LMNTD1: variants seen among roughly 807,000 people sequenced by gnomAD.
LMNTD1 encodes lamin tail domain containing 1.
Under a neutral mutation model 50.9 loss-of-function variants are expected in LMNTD1, and 35 were observed. That is an observed-to-expected ratio of 0.69 (90% confidence interval 0.53 to 0.91). The LOEUF is 0.91. LMNTD1 is among the 40% of genes least tolerant of loss of function. The probability of loss-of-function intolerance (pLI) is 0.00; values close to 1 mark genes in which losing one functional copy is unlikely to be tolerated. For synonymous variants in LMNTD1, 153 were observed against 161.9 expected (o/e 0.94, Z 0.42); for missense variants, 470 against 475.5 (o/e 0.99, Z 0.11).
chr12:25,489,423 G>C (rs112804475), intron 9 of LMNTD1, among the ~76,000 whole-genome samples: 2 of 149,092 alleles, frequency 1.3e-5, no homozygotes, highest in African/African-American at 2.5e-5. Flanking sequence ...TATTTGACTC[G>C]GAAAGGGAAC....
At chr12:25,488,073 C>T (rs1457706975) in intron 9 of LMNTD1, among the ~76,000 whole-genome samples, 1 of 147,288 alleles carries the variant, frequency 6.8e-6, no homozygotes, top group South Asian at 2.2e-4. Flanking sequence ...ACATTTTTTC[C>T]TTCATTTCAA....
At chr12:25,529,209 G>A (rs549659403) in intron 4 of LMNTD1, among the ~76,000 whole-genome samples, 4 of 151,998 alleles carry the variant, frequency 2.6e-5, no homozygotes, top group African/African-American at 7.2e-5. Flanking sequence ...GCCCCTTCAC[G>A]CATCTCCCAG....
In LMNTD1 at chr12:25,546,544, G is replaced by A. The variant is rs1193091004; in HGVS notation, c.321C>T (p.Pro107=). ...CATCCTGTTTCTTCGGAACTGAGAA[G>A]GGGCTGGCATCTTTCAAGTAGACAG... ...SRVENSLDAS[P]FSVPKKQDES... is the part of the protein sequence containing the mutation. Residue 107 remains proline, a synonymous_variant, in exon 4 of 10, where the codon CCC becomes CCT. Transcript: ENST00000458174. 6.5e-7 allele frequency: 1 copy of A among 1,547,768 alleles called. No individual in the cohort carries two copies. Among genetic ancestry groups the A allele is most frequent in the South Asian group, 1.2e-5 (1 of 80,048 alleles).
chr12:25,603,515 T>C (rs941084874), intron 1 of LMNTD1, among the ~76,000 whole-genome samples: 9 of 152,052 alleles, frequency 5.9e-5, no homozygotes, highest in Non-Finnish European at 1.2e-4. Context: ...AAATAAGTTC[T>C]AGAACCAGAT....
At chr12:25,632,596 T>G (rs1341426320) in intron 1 of LMNTD1, among the ~76,000 whole-genome samples, 1 of 152,186 alleles carries the variant, frequency 6.6e-6, no homozygotes, top group African/African-American at 2.4e-5. Context: ...AAACAAATGC[T>G]GAGAGAATTC....
intron 1 of LMNTD1, among the ~76,000 whole-genome samples, chr12:25,636,891 GA>G (rs772020943): frequency 1.3e-4 from 19 of 151,718 alleles, no homozygotes; most frequent in Non-Finnish European, 2.2e-4. Flanking sequence ...CTCAGGAATA[GA>G]AAACCAAAAG....
chr12:25,546,290 A>G, intron 4 of LMNTD1, 84 bp downstream of exon 4: 1 of 735,272 alleles, frequency 1.4e-6, no homozygotes, highest in South Asian at 3.4e-5. Flanking sequence ...AATGCATATA[A>G]CTACAGATTA....
intron 1 of LMNTD1, among the ~76,000 whole-genome samples, chr12:25,597,902 C>T (rs1945876734): frequency 6.6e-6 from 1 of 152,126 alleles, no homozygotes; most frequent in African/African-American, 2.4e-5. Context: ...ACCCAAGTCT[C>T]ACCTTGAATT....
At chr12:25,573,928 C>G (rs1211233484) in intron 1 of LMNTD1, among the ~76,000 whole-genome samples, 1 of 152,140 alleles carries the variant, frequency 6.6e-6, no homozygotes, top group East Asian at 1.9e-4. Context: ...TCTAGGGAGA[C>G]TCTATCCTTG....
chr12:25,577,155 G>A (rs1945060369), intron 1 of LMNTD1, among the ~76,000 whole-genome samples: 2 of 152,140 alleles, frequency 1.3e-5, no homozygotes, highest in African/African-American at 4.8e-5. Context: ...TTTTGGCTTA[G>A]GATTGTCTTG....
intron 1 of LMNTD1, among the ~76,000 whole-genome samples, chr12:25,626,640 A>G (rs1408015449): frequency 6.6e-6 from 1 of 152,210 alleles, no homozygotes; most frequent in Non-Finnish European, 1.5e-5. Flanking sequence ...GGGAATGCAC[A>G]TAGTATTTAA....
intron 1 of LMNTD1, among the ~76,000 whole-genome samples, chr12:25,580,350 A>G (rs757377055): frequency 3.9e-5 from 6 of 152,148 alleles, no homozygotes; most frequent in Non-Finnish European, 7.3e-5. Context: ...GTGGCCATCC[A>G]TACCAGCTGT....
intron 4 of LMNTD1, among the ~76,000 whole-genome samples, chr12:25,539,094 A>C (rs1481987944): frequency 4.7e-5 from 7 of 150,362 alleles, no homozygotes; most frequent in Admixed American, 1.3e-4. Context: ...GTGACCTACA[A>C]AGAGACTTCA....
In LMNTD1 at chr12:25,590,508, C is replaced by T. The variant is rs911462982; in HGVS notation, c.59-43954G>A. Among the ~76,000 whole-genome samples, 40 of 152,150 alleles carry T rather than the reference C, an allele frequency of 2.6e-4. 1 individual carries two copies. The highest frequency in any genetic ancestry group is 9.4e-4 in the African/African-American group (39 of 41,438). On this transcript the variant is annotated intron_variant, in intron 1 of 7. Coordinates refer to the LMNTD1 transcript ENST00000445693. The stretch of plus-strand genomic sequence containing the variant: ...TGCAACTCCTAGGTGAGTCCTAGTG[C>T]TGGACTGGTCCCAGAGCCAGTGGAC...
At chr12:25,624,377 C>G (rs1194414815) in intron 1 of LMNTD1, among the ~76,000 whole-genome samples, 1 of 152,096 alleles carries the variant, frequency 6.6e-6, no homozygotes, top group African/African-American at 2.4e-5. Flanking sequence ...AAACAGATAA[C>G]TAGGAAAAGG....
At chr12:25,571,426 C>T (rs977462846) in intron 1 of LMNTD1, among the ~76,000 whole-genome samples, 3 of 151,860 alleles carry the variant, frequency 2.0e-5, no homozygotes, top group East Asian at 1.9e-4. Context: ...TGCAGTGGTG[C>T]GATCTCGGCT....
intron 9 of LMNTD1, among the ~76,000 whole-genome samples, chr12:25,503,195 C>A (rs531844362): frequency 0.016 from 2,463 of 152,248 alleles, 40 homozygotes; most frequent in Non-Finnish European, 0.024. Flanking sequence ...CATTTAAACT[C>A]AACCACTTAA....
chr12:25,602,633 A>G (rs1054830539), intron 1 of LMNTD1, among the ~76,000 whole-genome samples: 2 of 152,058 alleles, frequency 1.3e-5, no homozygotes, highest in African/African-American at 4.8e-5. Flanking sequence ...CCCAAGAAAT[A>G]GCAAGAGTAA....
intron 4 of LMNTD1, among the ~76,000 whole-genome samples, chr12:25,545,467 A>C (rs762813469): frequency 2.0e-5 from 3 of 151,694 alleles, no homozygotes; most frequent in Non-Finnish European, 4.4e-5. Flanking sequence ...GATACTGCTG[A>C]TGATAATGAT....
Sources: allele counts gnomAD v4.1 joint callset (sites outside exome capture counted in the v4.1 genomes callset), GRCh38; gene constraint gnomAD v4.1.1; transcripts MANE v1.5; gene names NCBI Gene and HGNC (gene_info 2026-07-23, HGNC 2026-07-21).